HTR1F: variants seen among roughly 807,000 people sequenced by gnomAD.
HTR1F encodes 5-hydroxytryptamine receptor 1F, also known as 5-hydroxytryptamine (serotonin) receptor 1F, G protein-coupled.
HTR1F carries 17 observed loss-of-function variants against 24.0 expected under a neutral mutation model. That is an observed-to-expected ratio of 0.71 (90% CI 0.48 to 1.06). The LOEUF is 1.06. Among genes scored for constraint, HTR1F ranks in the 50% least tolerant of loss-of-function variants. The probability of loss-of-function intolerance (pLI) is 0.00; values close to 1 mark genes in which losing one functional copy is unlikely to be tolerated. For missense variants in HTR1F, 391 were observed against 427.8 expected, an observed-to-expected ratio of 0.91 and a Z score of 0.76; for synonymous variants, 186 against 156.8, an observed-to-expected ratio of 1.19 and a Z score of -1.39.
At chr3:87,979,672 G>A (rs1438534165) in intron 2 of HTR1F, among the ~76,000 whole-genome samples, 1 of 152,202 alleles carries the variant, frequency 6.6e-6, no homozygotes, top group Non-Finnish European at 1.5e-5. Flanking sequence ...TGCCCACTCA[G>A]CCTGGCAGGC....
chr3:87,990,396 C>T (rs1705794239), intron 2 of HTR1F, among the ~76,000 whole-genome samples: 1 of 152,112 alleles, frequency 6.6e-6, no homozygotes, highest in Non-Finnish European at 1.5e-5. Flanking sequence ...CTTTTTCTGA[C>T]ATGGACAAAG....
At chr3:87,944,730 T>G (rs1704653716) in intron 2 of HTR1F, among the ~76,000 whole-genome samples, 1 of 152,214 alleles carries the variant, frequency 6.6e-6, no homozygotes, top group African/African-American at 2.4e-5. Flanking sequence ...AGTGGTGAGG[T>G]GTGCTCACAA....
chr3:87,922,952 G>C (rs1431374764), intron 2 of HTR1F, among the ~76,000 whole-genome samples: 2 of 150,632 alleles, frequency 1.3e-5, no homozygotes, highest in East Asian at 3.9e-4. Flanking sequence ...TTTATATATA[G>C]GGAGAGATGG....
chr3:87,917,572 C>T (rs901225436), intron 2 of HTR1F, among the ~76,000 whole-genome samples: 5 of 151,628 alleles, frequency 3.3e-5, no homozygotes, highest in Non-Finnish European at 7.4e-5. Context: ...TCATACAAGG[C>T]TACAATGAAC....
chr3:87,955,079 T>C (rs1191893376), intron 2 of HTR1F, among the ~76,000 whole-genome samples: 1 of 151,432 alleles, frequency 6.6e-6, no homozygotes, highest in Non-Finnish European at 1.5e-5. Context: ...TTGCATAAGA[T>C]AAATTATATC....
intron 2 of HTR1F, among the ~76,000 whole-genome samples, chr3:87,976,652 G>A (rs1487199940): frequency 6.6e-6 from 1 of 152,090 alleles, no homozygotes; most frequent in African/African-American, 2.4e-5. Context: ...AAGAAAAATA[G>A]CTATTGTCAC....
chr3:87,983,140 T>G (rs1206499122), intron 2 of HTR1F, among the ~76,000 whole-genome samples: 1 of 152,062 alleles, frequency 6.6e-6, no homozygotes. Context: ...CACCCCTAAG[T>G]TGGACATGGA....
chr3:87,877,838 A>G (rs1372300115), intron 2 of HTR1F, among the ~76,000 whole-genome samples: 1 of 152,190 alleles, frequency 6.6e-6, no homozygotes, highest in African/African-American at 2.4e-5. Flanking sequence ...TTGGGTAAGG[A>G]TAAGAGAACG....
At chr3:87,924,694 A>G (rs1225362197) in intron 2 of HTR1F, among the ~76,000 whole-genome samples, 1 of 151,998 alleles carries the variant, frequency 6.6e-6, no homozygotes, top group Non-Finnish European at 1.5e-5. Flanking sequence ...CATATTATCC[A>G]TTGTCTCCTG....
rs977940054 is a variant in HTR1F, at chr3:87,849,065, T to A, written c.-43+26941T>A. On this transcript the variant is annotated intron_variant, in intron 2 of 2. Transcript: ENST00000319595. ...ATTTACAGATTCACTACCATCCCCATCAAGCTACCAATGACTTTCTTCACA... is the reference window on the plus strand; with the variant it reads ...ATTTACAGATTCACTACCATCCCCAACAAGCTACCAATGACTTTCTTCACA... Among the ~76,000 whole-genome samples, 115 of 151,492 alleles carry A rather than the reference T, an allele frequency of 7.6e-4. 1 individual carries two copies. The highest frequency in any genetic ancestry group is 2.7e-3 in the African/African-American group (110 of 40,846).
chr3:87,975,562 T>A (rs1338017278), intron 2 of HTR1F, among the ~76,000 whole-genome samples: 2 of 152,212 alleles, frequency 1.3e-5, no homozygotes, highest in Non-Finnish European at 2.9e-5. Flanking sequence ...GATAATTTAC[T>A]GTCTAAAACA....
chr3:87,823,577 C>T (rs951638194), intron 2 of HTR1F, among the ~76,000 whole-genome samples: 1 of 150,154 alleles, frequency 6.7e-6, no homozygotes, highest in Non-Finnish European at 1.5e-5. Context: ...TGCAGTGGCA[C>T]AGTCACAGCT....
chr3:87,897,270 GAGA>G (rs1279737782), intron 2 of HTR1F, among the ~76,000 whole-genome samples: 3 of 148,768 alleles, frequency 2.0e-5, no homozygotes, highest in African/African-American at 7.4e-5. Context: ...CTTTAAAATG[GAGA>G]AGATTATACC....
At chr3:87,882,779 G>A (rs940675963) in intron 2 of HTR1F, among the ~76,000 whole-genome samples, 14 of 151,624 alleles carry the variant, frequency 9.2e-5, no homozygotes, top group Non-Finnish European at 1.3e-4. Context: ...TGGGTGCAGC[G>A]CACCAGCATG....
At chr3:87,871,641 A>G (rs1559613226) in intron 2 of HTR1F, among the ~76,000 whole-genome samples, 1 of 152,078 alleles carries the variant, frequency 6.6e-6, no homozygotes, top group East Asian at 1.9e-4. Context: ...AAAAGCAAAA[A>G]AAAATTATCT....
rs139590042 is a variant in HTR1F at position 87,903,905 on chromosome 3, AT to A, written c.-43+81784del. ...GTCCAGCAATGATACACAGCTAAGA[AT>A]TTCTAATAACCAAACGATTATTTAA... On this transcript the variant is annotated intron_variant, in intron 2 of 2. Transcript: ENST00000319595. Among the ~76,000 whole-genome samples the A allele has an allele frequency of 4.5e-4, 69 of 152,270 alleles. No homozygotes were observed. The East Asian group carries it at 0.013, about 29-fold the overall frequency.
At chr3:87,804,748 T>C (rs1167643984) in intron 1 of HTR1F, among the ~76,000 whole-genome samples, 1 of 152,098 alleles carries the variant, frequency 6.6e-6, no homozygotes, top group East Asian at 1.9e-4. Context: ...TCATAGAAAT[T>C]ATTGATAATA....
chr3:87,861,689 C>G (rs1335314708), intron 2 of HTR1F, among the ~76,000 whole-genome samples: 1 of 152,134 alleles, frequency 6.6e-6, no homozygotes, highest in African/African-American at 2.4e-5. Context: ...ACATAAATAG[C>G]TCTTTTTCAT....
intron 2 of HTR1F, among the ~76,000 whole-genome samples, chr3:87,826,118 G>T (rs765903831): frequency 6.6e-6 from 1 of 152,136 alleles, no homozygotes; most frequent in Non-Finnish European, 1.5e-5. Context: ...ACCATTGATG[G>T]TACCAGAACC....
Sources: gnomAD v4.1 joint callset for allele counts (sites outside exome capture counted in the v4.1 genomes callset) on GRCh38, gnomAD v4.1.1 for gene constraint, MANE v1.5 for transcripts, NCBI Gene and HGNC (gene_info 2026-07-23, HGNC 2026-07-21) for gene names.